The following NKIRAS1 variants were observed in gnomAD, a reference collection of about 807,000 sequenced individuals.
The protein encoded by NKIRAS1 is NF-kappa-B inhibitor-interacting Ras-like protein 1.
NKIRAS1 carries 16 observed loss-of-function variants against 19.8 expected under a neutral mutation model. The observed-to-expected ratio is 0.81, with a 90% confidence interval of 0.55 to 1.23. The LOEUF (loss-of-function observed/expected upper bound fraction) is 1.23. Ranked by LOEUF, NKIRAS1 falls within the 50% of genes most tolerant of loss-of-function variation. NKIRAS1 has a pLI of 0.00. For missense variants in NKIRAS1, 184 were observed against 220.0 expected (o/e 0.84, Z 1.04); for synonymous variants, 88 against 79.0 (o/e 1.11, Z -0.61).
At chr3:23,918,997 C>A, upstream of NKIRAS1, 1 of 596,656 alleles carries the variant, frequency 1.7e-6, no homozygotes, top group Non-Finnish European at 3.0e-6. Flanking sequence ...TGATGTGTTT[C>A]AGTCTATGTG....
At chr3:23,925,687 T>C (rs1705201251) in intron 1 of NKIRAS1, among the ~76,000 whole-genome samples, 1 of 152,182 alleles carries the variant, frequency 6.6e-6, no homozygotes, top group Non-Finnish European at 1.5e-5. Context: ...TTTTGTTGTT[T>C]TACAATTCTC....
chr3:23,923,316 G>A (rs1216712760), intron 1 of NKIRAS1: 1 of 150,746 alleles, frequency 6.6e-6, no homozygotes, highest in Non-Finnish European at 1.5e-5. Context: ...TGCCTCCCAG[G>A]TTCAAGCGAT....
chr3:23,930,484 A>G (rs1391421031), intron 1 of NKIRAS1, among the ~76,000 whole-genome samples: 1 of 150,782 alleles, frequency 6.6e-6, no homozygotes, highest in African/African-American at 2.4e-5. Context: ...AGGACAAAAA[A>G]TCTACACTAT....
At chr3:23,910,580 T>C (rs891005623) in intron 3 of NKIRAS1, among the ~76,000 whole-genome samples, 2 of 152,228 alleles carry the variant, frequency 1.3e-5, no homozygotes, top group African/African-American at 2.4e-5. Context: ...TTGATCTATC[T>C]ATATTGGCCA....
chr3:23,942,492 C>T (rs1390712964), intron 1 of NKIRAS1, among the ~76,000 whole-genome samples: 1 of 152,232 alleles, frequency 6.6e-6, no homozygotes, highest in Non-Finnish European at 1.5e-5. Context: ...AGTGCAACGG[C>T]ACGATCTCGG....
intron 4 of NKIRAS1, among the ~76,000 whole-genome samples, chr3:23,900,560 G>A (rs1446060690): frequency 3.3e-5 from 5 of 151,662 alleles, no homozygotes; most frequent in African/African-American, 7.3e-5. Flanking sequence ...GCTTGTACCC[G>A]GGAGGCGGAG....
rs572732759 is a variant in NKIRAS1 at position 23,938,391 on chromosome 3, A to C, written c.-140+7932T>G. Among the ~76,000 whole-genome samples the C allele has an allele frequency of 7.9e-5, 12 of 152,124 alleles. No homozygotes were observed. In the South Asian group the frequency reaches 2.5e-3, roughly 32 times the overall value. On this transcript the variant is annotated intron_variant, in intron 1 of 4. Coordinates refer to the NKIRAS1 transcript ENST00000421515. ...CACCCAACAAATTTTTAAATTTTTT[A>C]TAGAGTTGGGGGGTCTCACTATGTT...
upstream of NKIRAS1, chr3:23,918,946 C>G: frequency 1.8e-6 from 1 of 548,420 alleles, no homozygotes; most frequent in Non-Finnish European, 3.2e-6. Flanking sequence ...CAGATATTAA[C>G]ATATTCCTGC....
intron 1 of NKIRAS1, among the ~76,000 whole-genome samples, chr3:23,913,959 T>C (rs531900805): frequency 6.6e-6 from 1 of 152,326 alleles, no homozygotes; most frequent in Non-Finnish European, 1.5e-5. Context: ...CAAAAAGCAG[T>C]AGTTACAGCT....
upstream of NKIRAS1, chr3:23,919,137 C>A: frequency 8.5e-7 from 1 of 1,176,602 alleles, no homozygotes; most frequent in East Asian, 2.3e-5. Context: ...AAAATTCTTT[C>A]TGACTTGCTG....
intron 1 of NKIRAS1, among the ~76,000 whole-genome samples, chr3:23,943,888 T>A (rs759589781): frequency 5.3e-5 from 8 of 152,218 alleles, no homozygotes; most frequent in African/African-American, 1.9e-4. Flanking sequence ...GGTTAAGTCG[T>A]TGAATTTTTT....
chr3:23,933,572 T>C (rs1705348925), intron 1 of NKIRAS1, among the ~76,000 whole-genome samples: 1 of 152,226 alleles, frequency 6.6e-6, no homozygotes. Flanking sequence ...TATCACCTTA[T>C]ATCACATATG....
intron 4 of NKIRAS1, 48 bp from the exon 5 acceptor site, chr3:23,893,385 C>A: frequency 6.5e-7 from 1 of 1,540,212 alleles, no homozygotes; most frequent in Non-Finnish European, 8.8e-7. Flanking sequence ...TTGCCAACAT[C>A]AGTTCCTGGG....
chr3:23,944,700 A>T (rs929391614), intron 1 of NKIRAS1, among the ~76,000 whole-genome samples: 1 of 152,206 alleles, frequency 6.6e-6, no homozygotes, highest in African/African-American at 2.4e-5. Flanking sequence ...TTGGCTTGAA[A>T]TATAAATCTG....
In NKIRAS1 at chr3:23,907,850, G is replaced by A. The variant is rs76071223; in HGVS notation, c.94+2961C>T. Among the ~76,000 whole-genome samples, 682 of 152,208 alleles carry A rather than the reference G, an allele frequency of 4.5e-3. 15 individuals carry two copies. In the East Asian group the frequency reaches 0.062, roughly 14 times the overall value. ...TAAAGCATTTCTGCATGCAATTATG[G>A]TAACTGTCTTGAGGAAAATCTCTTG... On this transcript the variant is annotated intron_variant, in intron 3 of 4. Transcript: ENST00000425478.
Position 23,910,153 on chromosome 3 carries a change from G to A in NKIRAS1, c.94+658C>T, listed in dbSNP as rs377213662. The stretch of plus-strand genomic sequence containing the variant: ...ATTACTGGTGTGAGCCACTGCGCTC[G>A]GCCTTTTTTTTTTTTTTTTTTTGAG... On this transcript the variant is annotated intron_variant, in intron 3 of 4. Transcript: ENST00000425478. Among the ~76,000 whole-genome samples, 64 of 134,358 alleles carry A rather than the reference G, an allele frequency of 4.8e-4. 1 individual carries two copies. The East Asian group carries it at 0.012, about 25-fold the overall frequency. The allele number at this position is 134,358 out of a possible 152,430, so 88.1% of individuals were successfully genotyped here. A position where few individuals can be genotyped will look rare whatever the true frequency, so the allele number is the denominator to read the frequency against.
chr3:23,908,673 T>C (rs1703318919), intron 3 of NKIRAS1, among the ~76,000 whole-genome samples: 1 of 152,006 alleles, frequency 6.6e-6, no homozygotes, highest in Non-Finnish European at 1.5e-5. Flanking sequence ...AATGTCTCCA[T>C]TTTCCTTTTC....
chr3:23,913,202 A>C (rs1208839847), intron 1 of NKIRAS1, among the ~76,000 whole-genome samples: 2 of 152,162 alleles, frequency 1.3e-5, no homozygotes, highest in African/African-American at 4.8e-5. Flanking sequence ...ATATATTAAT[A>C]AATTGGGGAG....
intron 4 of NKIRAS1, among the ~76,000 whole-genome samples, chr3:23,896,813 T>TAA (rs78648312): frequency 7.3e-6 from 1 of 137,554 alleles, no homozygotes; most frequent in Non-Finnish European, 1.6e-5. Flanking sequence ...TCTCTACAAT[T>TAA]AAAAAAAAAA....
Sources: gnomAD v4.1 joint callset for allele counts (sites outside exome capture counted in the v4.1 genomes callset) on GRCh38, gnomAD v4.1.1 for gene constraint, MANE v1.5 for transcripts, NCBI Gene and HGNC (gene_info 2026-07-23, HGNC 2026-07-21) for gene names.